HS6ST3: variants seen among roughly 807,000 people sequenced by gnomAD.
The protein encoded by HS6ST3 is heparan-sulfate 6-O-sulfotransferase 3.
Under a neutral mutation model 36.7 loss-of-function variants are expected in HS6ST3, and 12 were observed. The ratio of observed to expected loss-of-function variants is 0.33; its 90% CI spans 0.21 to 0.53. The LOEUF (loss-of-function observed/expected upper bound fraction) is 0.53, where lower values mean the gene tolerates loss of function less well. Ranked by LOEUF, HS6ST3 falls within the 20% of genes least tolerant of loss-of-function variation. The probability of loss-of-function intolerance (pLI) is 0.95; values close to 1 mark genes in which losing one functional copy is unlikely to be tolerated. For missense variants in HS6ST3, 584 were observed against 640.9 expected (o/e 0.91, Z 0.96); for synonymous variants, 240 against 257.5 (o/e 0.93, Z 0.65).
At chr13:96,405,199 T>C (rs1181774003) in intron 1 of HS6ST3, among the ~76,000 whole-genome samples, 2 of 152,158 alleles carry the variant, frequency 1.3e-5, no homozygotes, top group African/African-American at 2.4e-5. Context: ...AAAGTTTGCA[T>C]GTTTATTTTT....
chr13:96,128,970 C>T (rs1435023229), intron 1 of HS6ST3, among the ~76,000 whole-genome samples: 1 of 151,976 alleles, frequency 6.6e-6, no homozygotes, highest in Non-Finnish European at 1.5e-5. Flanking sequence ...GTCAGCCTCC[C>T]TAGTAGCTGG....
intron 1 of HS6ST3, among the ~76,000 whole-genome samples, chr13:96,284,767 C>CTTGT (rs1223355481): frequency 6.6e-6 from 1 of 151,910 alleles, no homozygotes; most frequent in East Asian, 1.9e-4. Flanking sequence ...TGCTTGCTTG[C>CTTGT]TTGCTTGCTT....
chr13:96,529,081 A>G (rs2138933205), intron 1 of HS6ST3, among the ~76,000 whole-genome samples: 1 of 152,310 alleles, frequency 6.6e-6, no homozygotes, highest in Admixed American at 6.5e-5. Flanking sequence ...AATACAGTAG[A>G]TATCAGCAGA....
At chr13:96,611,099 CTTTTTTTA>C (rs1021779751) in intron 1 of HS6ST3, among the ~76,000 whole-genome samples, 1 of 149,694 alleles carries the variant, frequency 6.7e-6, no homozygotes, top group African/African-American at 2.4e-5. Context: ...TCTTTATTTT[CTTTTTTTA>C]TTTTTATTTT....
At chr13:96,782,954 G>T (rs936303775) in intron 1 of HS6ST3, among the ~76,000 whole-genome samples, 1 of 152,122 alleles carries the variant, frequency 6.6e-6, no homozygotes, top group Non-Finnish European at 1.5e-5. Context: ...TAAACTCTGA[G>T]AGGCCAGAAA....
At chr13:96,391,752 A>G (rs938627916) in intron 1 of HS6ST3, among the ~76,000 whole-genome samples, 1 of 152,160 alleles carries the variant, frequency 6.6e-6, no homozygotes, top group African/African-American at 2.4e-5. Context: ...TGTGAAACCC[A>G]CACACTATCA....
intron 1 of HS6ST3, among the ~76,000 whole-genome samples, chr13:96,505,348 A>G (rs900120656): frequency 5.9e-5 from 9 of 152,136 alleles, no homozygotes; most frequent in Non-Finnish European, 1.3e-4. Context: ...TTCTCCCCAC[A>G]TTCCTCCCAG....
intron 1 of HS6ST3, among the ~76,000 whole-genome samples, chr13:96,141,764 G>A (rs939676389): frequency 1.3e-5 from 2 of 152,078 alleles, no homozygotes; most frequent in Non-Finnish European, 2.9e-5. Flanking sequence ...TAGATCAGGG[G>A]GGTCTTAAGG....
At chr13:96,209,189 G>C (rs2054386610) in intron 1 of HS6ST3, among the ~76,000 whole-genome samples, 1 of 152,300 alleles carries the variant, frequency 6.6e-6, no homozygotes, top group East Asian at 1.9e-4. Context: ...GTAATTCCTT[G>C]ATCTTACAAG....
In HS6ST3 at chr13:96,837,252, A is replaced by C. The variant is rs1878949870; in HGVS notation, c.*4054A>C. 6.6e-6 allele frequency: 1 copy of C among 152,220 alleles called. No homozygotes were observed. The highest frequency in any genetic ancestry group is 2.4e-5 in the African/African-American group (1 of 41,452). The allele number at this position is 152,220 out of a possible 1,614,324, so 9.4% of individuals were successfully genotyped here. A position where few individuals can be genotyped will look rare whatever the true frequency, so the allele number is the denominator to read the frequency against. Reference sequence around the variant, plus strand: ...ACTTACTTCATCATATGTTTTGCGAAAGATAAGACTAAAATTCATCACTTT... The same window carrying C: ...ACTTACTTCATCATATGTTTTGCGACAGATAAGACTAAAATTCATCACTTT... On this transcript the variant is annotated 3_prime_UTR_variant, in exon 2 of 2. Transcript: ENST00000376705.
chr13:96,483,681 G>T (rs147817653), intron 1 of HS6ST3, among the ~76,000 whole-genome samples: 1 of 152,104 alleles, frequency 6.6e-6, no homozygotes, highest in East Asian at 1.9e-4. Context: ...TGTGAGTTAT[G>T]TTTCTTACTT....
chr13:96,797,505 A>G (rs1013424146), intron 1 of HS6ST3, among the ~76,000 whole-genome samples: 2 of 152,084 alleles, frequency 1.3e-5, no homozygotes, highest in African/African-American at 4.8e-5. Context: ...TAAAAATTCT[A>G]AAAAATCTTG....
intron 1 of HS6ST3, among the ~76,000 whole-genome samples, chr13:96,239,329 A>G (rs2054549514): frequency 6.6e-6 from 1 of 152,198 alleles, no homozygotes; most frequent in Admixed American, 6.5e-5. Context: ...TCCCTGAATG[A>G]TTGTCTTATG....
rs1414902530 is a variant in HS6ST3, at chr13:96,467,827, C to A, written c.708-364663C>A. On this transcript the variant is annotated intron_variant, in intron 1 of 1. Coordinates refer to ENST00000376705, the MANE Select transcript of HS6ST3 (RefSeq NM_153456.4). ...AGTCCTGTAACTACTAGATGGTACA[C>A]TGAGAATTTAAAAACCAGGCAGCCA... 2.6e-5 allele frequency among the ~76,000 whole-genome samples: 4 copies of A among 152,228 alleles called. No individual in the cohort carries two copies. In the East Asian group the frequency reaches 7.7e-4, roughly 29 times the overall value.
At chr13:96,178,494 G>C in intron 1 of HS6ST3, among the ~76,000 whole-genome samples, 1 of 151,754 alleles carries the variant, frequency 6.6e-6, no homozygotes, top group South Asian at 2.1e-4. Context: ...ACTATACACT[G>C]TGCTGGTAAA....
chr13:96,505,561 C>T (rs1372527375), intron 1 of HS6ST3, among the ~76,000 whole-genome samples: 1 of 152,124 alleles, frequency 6.6e-6, no homozygotes, highest in African/African-American at 2.4e-5. Flanking sequence ...GCAAAGTACT[C>T]AGCAAACACT....
chr13:96,805,813 A>G lies in HS6ST3; in HGVS notation c.708-26677A>G, dbSNP rs60307409. On this transcript the variant is annotated intron_variant, in intron 1 of 1. Transcript: ENST00000376705. ...GACCAATATCCCCCAAAATATTTTT[A>G]TGGTGAAACTGAGTTAGACAGCATT... 7.4e-3 allele frequency among the ~76,000 whole-genome samples: 1,124 copies of G among 152,332 alleles called. 18 individuals are homozygous for G. Among genetic ancestry groups the G allele is most frequent in the African/African-American group, 0.026 (1,088 of 41,568 alleles).
rs541292492 is a variant in HS6ST3 at position 96,587,312 on chromosome 13, AT to A, written c.708-245168del. On this transcript the variant is annotated intron_variant, in intron 1 of 1. Transcript: ENST00000376705. ...TTGTAGGTTCCACATAAATTTTAGG[AT>A]TTTTTTTTTCTATTTTTGTGAAGAA... 4.4e-3 allele frequency among the ~76,000 whole-genome samples: 657 copies of A among 148,224 alleles called. 4 individuals are homozygous for A. Among genetic ancestry groups the A allele is most frequent in the African/African-American group, 0.014 (563 of 40,416 alleles).
chr13:96,175,561 AG>A (rs2054208746), intron 1 of HS6ST3, among the ~76,000 whole-genome samples: 1 of 150,760 alleles, frequency 6.6e-6, no homozygotes, highest in Non-Finnish European at 1.5e-5. Context: ...AATTCTTATT[AG>A]ATAGTTGCAG....
Sources: allele counts gnomAD v4.1 joint callset (sites outside exome capture counted in the v4.1 genomes callset), GRCh38; gene constraint gnomAD v4.1.1; transcripts MANE v1.5; gene names NCBI Gene and HGNC (gene_info 2026-07-23, HGNC 2026-07-21).